The following CDK15 variants were observed in gnomAD, a reference collection of about 807,000 sequenced individuals.
CDK15 encodes the protein cyclin-dependent kinase 15.
Under a neutral mutation model 60.3 loss-of-function variants are expected in CDK15, and 62 were observed. The observed-to-expected ratio is 1.03, with a 90% confidence interval of 0.84 to 1.27. The LOEUF is 1.27. CDK15 is among the 50% of genes most tolerant of loss of function. The pLI is 0.00. For synonymous variants in CDK15, 194 were observed against 195.7 expected, an observed-to-expected ratio of 0.99 and a Z score of 0.07; for missense variants, 541 against 527.8, an observed-to-expected ratio of 1.03 and a Z score of -0.25.
chr2:201,883,532 T>C (rs146415515), intron 12 of CDK15, among the ~76,000 whole-genome samples: 2 of 152,342 alleles, frequency 1.3e-5, no homozygotes, highest in African/African-American at 2.4e-5. Context: ...CCAGGATTAG[T>C]TTCCTTTTGG....
At chr2:201,877,543 A>G (rs555786522) in intron 11 of CDK15, among the ~76,000 whole-genome samples, 12 of 152,172 alleles carry the variant, frequency 7.9e-5, no homozygotes, top group African/African-American at 1.2e-4. Flanking sequence ...ACCAGCTAAA[A>G]TTTGTTCATG....
At chr2:201,886,913 T>G (rs1699469197) in intron 12 of CDK15, among the ~76,000 whole-genome samples, 1 of 152,194 alleles carries the variant, frequency 6.6e-6, no homozygotes, top group South Asian at 2.1e-4. Flanking sequence ...GTATTGAAAC[T>G]TTTGCAAAGT....
At chr2:201,849,131 T>C (rs1221422078) in intron 9 of CDK15, among the ~76,000 whole-genome samples, 1 of 152,234 alleles carries the variant, frequency 6.6e-6, no homozygotes, top group Non-Finnish European at 1.5e-5. Context: ...GTAGTCCCTC[T>C]GAACTTTCGT....
chr2:201,879,753 TA>T (rs1326936137), intron 11 of CDK15, among the ~76,000 whole-genome samples: 4 of 152,134 alleles, frequency 2.6e-5, no homozygotes, highest in African/African-American at 4.8e-5. Flanking sequence ...CTGTGTCTTT[TA>T]TGTGTACATG....
At chr2:201,829,555 T>C (rs894896519) in intron 6 of CDK15, among the ~76,000 whole-genome samples, 1 of 152,150 alleles carries the variant, frequency 6.6e-6, no homozygotes, top group Admixed American at 6.5e-5. Flanking sequence ...TTAGACATGC[T>C]AAGTTTGAGG....
At chr2:201,853,874 A>C (rs1213530779) in intron 9 of CDK15, among the ~76,000 whole-genome samples, 1 of 152,160 alleles carries the variant, frequency 6.6e-6, no homozygotes, top group East Asian at 1.9e-4. Flanking sequence ...TAAATTGGTC[A>C]TTCAAGGCCA....
chr2:201,837,371 G>A (rs1033835987), intron 8 of CDK15, among the ~76,000 whole-genome samples: 3 of 122,822 alleles, frequency 2.4e-5, no homozygotes, highest in African/African-American at 5.9e-5. Context: ...AAGGGAGAGG[G>A]GGAGAGAGGG....
intron 6 of CDK15, 132 bp from the exon 7 acceptor site, chr2:201,833,716 C>CTTCTTCTT (rs111614334): frequency 1.5e-4 from 25 of 171,000 alleles, no homozygotes; most frequent in African/African-American, 4.6e-4. Flanking sequence ...TCTTCTTCTT[C>CTTCTTCTT]TTTTTTTTTT....
intron 6 of CDK15, among the ~76,000 whole-genome samples, chr2:201,829,809 T>A (rs1477953270): frequency 1.4e-5 from 2 of 142,898 alleles, no homozygotes; most frequent in Non-Finnish European, 2.9e-5. Flanking sequence ...TTTATTTTTA[T>A]TTATTTATTT....
intron 8 of CDK15, among the ~76,000 whole-genome samples, chr2:201,840,482 TC>T (rs1371910265): frequency 6.6e-6 from 1 of 152,246 alleles, no homozygotes; most frequent in Non-Finnish European, 1.5e-5. Context: ...TTAAGACTGC[TC>T]ATTATTCCTT....
At chr2:201,873,522 A>ATGCTGC in intron 11 of CDK15, among the ~76,000 whole-genome samples, 1 of 152,280 alleles carries the variant, frequency 6.6e-6, no homozygotes, top group Non-Finnish European at 1.5e-5. Flanking sequence ...TTAATACTCC[A>ATGCTGC]TGCTGCTGCT....
chr2:201,889,227 G>C (rs1699559305), intron 12 of CDK15: 1 of 985,208 alleles, frequency 1.0e-6, no homozygotes, highest in South Asian at 4.7e-5. Context: ...ATAACAGAAG[G>C]CTCTCTTTTT....
In CDK15 at chr2:201,833,913, C is replaced by T. The variant is rs1559124352; in HGVS notation, c.672C>T (p.Asp224=). The T allele has an allele frequency of 1.9e-6, 3 of 1,613,986 alleles. No homozygotes were observed. Residue 224 remains aspartate, a synonymous_variant, in exon 7 of 14, where the codon GAC becomes GAT. Coordinates refer to ENST00000652192, the MANE Select transcript of CDK15 (RefSeq NM_001366386.2). The stretch of plus-strand genomic sequence containing the variant: ...ACCACCAACACGTTCTTCACAGGGA[C>T]CTGAAACCTCAGAACTTACTCATCA... ...YIHHQHVLHR[D]LKPQNLLISH... is the part of the protein sequence containing the mutation.
At chr2:201,826,300 A>T (rs1203008507) in intron 6 of CDK15, among the ~76,000 whole-genome samples, 4 of 152,056 alleles carry the variant, frequency 2.6e-5, no homozygotes, top group African/African-American at 9.7e-5. Flanking sequence ...CTCTACTAAA[A>T]ATATAAAAAA....
Position 201,812,557 on chromosome 2 carries a change from G to A in CDK15, c.443G>A (p.Arg148Gln), listed in dbSNP as rs370446004. Reference sequence around the variant, plus strand: ...GAAGGAGTCCCATTTACAGCTATCCGAGAAGGTAAGAACAGCAGAAATGGA... The same window carrying A: ...GAAGGAGTCCCATTTACAGCTATCCAAGAAGGTAAGAACAGCAGAAATGGA... ...AEEGVPFTAI[R>Q]EASLLKGLKH... The change falls in exon 4 of 14, where the codon CGA becomes CAA. Residue 148 changes from arginine (R) to glutamine (Q), a missense_variant. By Grantham distance (43) the Arg-to-Gln change is conservative. Coordinates refer to ENST00000652192, the MANE Select transcript of CDK15 (RefSeq NM_001366386.2). 2.8e-5 allele frequency: 45 copies of A among 1,610,968 alleles called. No homozygotes were observed. The highest frequency in any genetic ancestry group is 2.1e-4 in the African/African-American group (16 of 74,824).
intron 10 of CDK15, among the ~76,000 whole-genome samples, chr2:201,864,106 A>C (rs907004523): frequency 6.6e-6 from 1 of 152,174 alleles, no homozygotes; most frequent in Non-Finnish European, 1.5e-5. Context: ...TAAATATGAC[A>C]CTGGTACCTG....
intron 10 of CDK15, among the ~76,000 whole-genome samples, chr2:201,863,065 G>T (rs1479900618): frequency 6.6e-6 from 1 of 152,128 alleles, no homozygotes; most frequent in Non-Finnish European, 1.5e-5. Flanking sequence ...GCTCATTACT[G>T]TCTCACTTCT....
chr2:201,833,774 C>CTGTTT, intron 6 of CDK15, 74 bp from the exon 7 acceptor site: 1 of 1,253,084 alleles, frequency 8.0e-7, no homozygotes, highest in Non-Finnish European at 1.1e-6. Flanking sequence ...TTTGAGATGA[C>CTGTTT]TGTTTTTGAT....
intron 12 of CDK15, chr2:201,888,682 G>A (rs571388447): frequency 3.8e-6 from 5 of 1,331,898 alleles, no homozygotes; most frequent in Admixed American, 3.7e-5. Context: ...TTGATTAACC[G>A]GTTGCCTTCC....
Sources: allele counts gnomAD v4.1 joint callset (sites outside exome capture counted in the v4.1 genomes callset), GRCh38; gene constraint gnomAD v4.1.1; transcripts MANE v1.5; gene names NCBI Gene and HGNC (gene_info 2026-07-23, HGNC 2026-07-21).